IDO2: variants seen among roughly 807,000 people sequenced by gnomAD.
IDO2 encodes indoleamine 2,3-dioxygenase-like 1 protein.
A neutral mutation model predicts 45.1 loss-of-function variants in IDO2; 46 were observed. The observed-to-expected ratio is 1.02, with a 90% CI of 0.80 to 1.30. IDO2 has a LOEUF of 1.30. IDO2 is among the 50% of genes most tolerant of loss of function. The probability of loss-of-function intolerance (pLI) is 0.00; values close to 1 mark genes in which losing one functional copy is unlikely to be tolerated. For synonymous variants in IDO2, 218 were observed against 184.9 expected (o/e 1.18, Z -1.45); for missense variants, 544 against 491.8 (o/e 1.11, Z -1.00).
intron 8 of IDO2, among the ~76,000 whole-genome samples, chr8:39,996,891 A>G (rs1204517200): frequency 6.6e-6 from 1 of 152,254 alleles, no homozygotes; most frequent in African/African-American, 2.4e-5. Context: ...AAAAGCTCCA[A>G]TAACTAAAAC....
intron 2 of IDO2, among the ~76,000 whole-genome samples, chr8:39,958,722 A>T (rs1424402595): frequency 6.6e-6 from 1 of 152,142 alleles, no homozygotes; most frequent in Non-Finnish European, 1.5e-5. Flanking sequence ...AAGTGCTGGG[A>T]TTACAGGTGT....
At chr8:39,980,044 A>T (rs1808319781) in intron 4 of IDO2, among the ~76,000 whole-genome samples, 1 of 152,074 alleles carries the variant, frequency 6.6e-6, no homozygotes, top group Admixed American at 6.5e-5. Flanking sequence ...GGCTGATCTT[A>T]AACTCCTGGC....
At chr8:39,958,220 G>T (rs1468810692) in intron 2 of IDO2, among the ~76,000 whole-genome samples, 4 of 151,686 alleles carry the variant, frequency 2.6e-5, no homozygotes, top group African/African-American at 9.7e-5. Context: ...TTTATTTTTT[G>T]AGACGGAGTC....
chr8:39,968,138 C>T (rs1192228872), intron 3 of IDO2, among the ~76,000 whole-genome samples: 2 of 149,618 alleles, frequency 1.3e-5, no homozygotes, highest in Non-Finnish European at 3.0e-5. Flanking sequence ...ATGAATAAAC[C>T]AAATTATAAT....
intron 2 of IDO2, among the ~76,000 whole-genome samples, chr8:39,954,223 G>A (rs1188004122): frequency 6.6e-6 from 1 of 152,164 alleles, no homozygotes; most frequent in African/African-American, 2.4e-5. Flanking sequence ...AGTCCTCAGT[G>A]ATTCTATGCA....
intron 2 of IDO2, among the ~76,000 whole-genome samples, chr8:39,951,151 A>T (rs1348754992): frequency 6.6e-6 from 1 of 152,158 alleles, no homozygotes. Flanking sequence ...CAGGGTAGGT[A>T]TTCAGTAAAA....
chr8:39,945,453 C>T (rs1276934033), intron 1 of IDO2, among the ~76,000 whole-genome samples: 1 of 152,194 alleles, frequency 6.6e-6, no homozygotes, highest in Non-Finnish European at 1.5e-5. Context: ...ACTGTGTGTT[C>T]TCCGTAGGGG....
intron 7 of IDO2, among the ~76,000 whole-genome samples, chr8:39,988,970 G>T (rs4736929): frequency 0.1 from 15,330 of 152,106 alleles, 1,153 homozygotes; most frequent in East Asian, 0.34. Context: ...AGAGCTGGGG[G>T]CTCTGTAGAA....
intron 3 of IDO2, among the ~76,000 whole-genome samples, chr8:39,972,782 G>C (rs1011198163): frequency 5.3e-5 from 8 of 152,102 alleles, no homozygotes; most frequent in African/African-American, 1.4e-4. Flanking sequence ...TGAACAGTAA[G>C]TAGCCATCAG....
chr8:39,982,501 G>A (rs145294601), intron 4 of IDO2, 151 bp from the exon 5 acceptor site: 7 of 569,648 alleles, frequency 1.2e-5, no homozygotes, highest in African/African-American at 1.9e-5. Context: ...ATATGTGTGC[G>A]GCATATGAAT....
intron 2 of IDO2, among the ~76,000 whole-genome samples, chr8:39,955,469 T>C (rs1807878930): frequency 6.6e-6 from 1 of 151,982 alleles, no homozygotes; most frequent in Non-Finnish European, 1.5e-5. Flanking sequence ...TTGGCCAGGC[T>C]GGTCTCGAAC....
At chr8:39,986,322 G>T (rs974484728) in intron 6 of IDO2, 2 of 152,258 alleles carry the variant, frequency 1.3e-5, no homozygotes, top group Non-Finnish European at 2.9e-5. Context: ...CTCTGATCCA[G>T]TGTTGCCTCT....
chr8:39,971,933 C>T (rs564696692), intron 3 of IDO2, among the ~76,000 whole-genome samples: 72 of 152,198 alleles, frequency 4.7e-4, no homozygotes, highest in African/African-American at 6.0e-4. Flanking sequence ...CTCAGCCTCC[C>T]GAGTTCCTAG....
chr8:39,946,014 A>G (rs1378778269), intron 1 of IDO2, among the ~76,000 whole-genome samples: 1 of 152,200 alleles, frequency 6.6e-6, no homozygotes, highest in Non-Finnish European at 1.5e-5. Flanking sequence ...GACTGCCTTT[A>G]GTGGGACTAA....
intron 6 of IDO2, among the ~76,000 whole-genome samples, chr8:39,986,686 A>ATAGC (rs963940237): frequency 6.7e-6 from 1 of 148,556 alleles, no homozygotes. Flanking sequence ...AGATAGATAG[A>ATAGC]TAGATAGATA....
chr8:39,986,220 A>G (rs1808420335), intron 6 of IDO2: 1 of 152,258 alleles, frequency 6.6e-6, no homozygotes, highest in African/African-American at 2.4e-5. Context: ...AAATCCCTTC[A>G]AAAGACCTTG....
chr8:39,965,220 T>C (rs965646719), intron 3 of IDO2, among the ~76,000 whole-genome samples: 2 of 152,190 alleles, frequency 1.3e-5, no homozygotes, highest in African/African-American at 2.4e-5. Flanking sequence ...GTGTGGTGGC[T>C]CACGCCTGTA....
intron 6 of IDO2, chr8:39,987,021 T>C (rs1303119273): frequency 6.6e-6 from 1 of 152,154 alleles, no homozygotes; most frequent in Non-Finnish European, 1.5e-5. Flanking sequence ...AGCTAATTTT[T>C]GTATTTTTAG....
At chr8:39,963,815 G>T in intron 3 of IDO2, 112 bp downstream of exon 3, 1 of 607,994 alleles carries the variant, frequency 1.6e-6, no homozygotes. Flanking sequence ...CATTACCATT[G>T]AACTTATCAG....
Sources: allele counts gnomAD v4.1 joint callset (sites outside exome capture counted in the v4.1 genomes callset), GRCh38; gene constraint gnomAD v4.1.1; transcripts MANE v1.5; gene names NCBI Gene and HGNC (gene_info 2026-07-23, HGNC 2026-07-21).